The following ABCG2 variants were observed in gnomAD, a reference collection of about 807,000 sequenced individuals.
ABCG2 encodes the protein broad substrate specificity ATP-binding cassette transporter ABCG2.
Under a neutral mutation model 73.5 loss-of-function variants are expected in ABCG2, and 80 were observed. The observed-to-expected ratio is 1.09, with a 90% CI of 0.91 to 1.31. The LOEUF is 1.31. ABCG2 is among the 50% of genes most tolerant of loss of function. The probability of loss-of-function intolerance (pLI) is 0.00; values close to 1 mark genes in which losing one functional copy is unlikely to be tolerated. For missense variants in ABCG2, 796 were observed against 786.2 expected, an observed-to-expected ratio of 1.01 and a Z score of -0.15; for synonymous variants, 269 against 282.4, an observed-to-expected ratio of 0.95 and a Z score of 0.48.
chr4:88,161,111 C>T (rs537547308), upstream of ABCG2, among the ~76,000 whole-genome samples: 49 of 151,852 alleles, frequency 3.2e-4, no homozygotes, highest in Middle Eastern at 6.8e-3. Flanking sequence ...CCCAAGAATT[C>T]GAGACAAGCC....
At chr4:88,152,994 A>T (rs1253114741) in intron 1 of ABCG2, among the ~76,000 whole-genome samples, 1 of 152,174 alleles carries the variant, frequency 6.6e-6, no homozygotes, top group Non-Finnish European at 1.5e-5. Context: ...ACAATTTTGT[A>T]TGAATTGAAA....
chr4:88,221,168 C>T (rs944391180), intron 1 of ABCG2, among the ~76,000 whole-genome samples: 19 of 152,254 alleles, frequency 1.2e-4, no homozygotes, highest in African/African-American at 4.1e-4. Context: ...ACTAGGGAGG[C>T]TGAGGTACAA....
chr4:88,115,261 T>C lies in ABCG2; in HGVS notation c.842-203A>G, dbSNP rs1170573218. On this transcript the variant is annotated intron_variant, in intron 7 of 15. Transcript: ENST00000237612. ...CTCTCTCTCTCTCTCTCTCTCTATA[T>C]ATATATATATATATATATATATAAT... 1.3e-4 allele frequency among the ~76,000 whole-genome samples: 11 copies of C among 85,346 alleles called. 2 individuals carry two copies. Among genetic ancestry groups the C allele is most frequent in the Admixed American group, 5.6e-4 (4 of 7,194 alleles). 56.0% of individuals were successfully genotyped at this position (85,346 alleles called of 152,430 possible).
chr4:88,187,093 CAAAAAAAAAA>C (rs61116461), intron 1 of ABCG2, among the ~76,000 whole-genome samples: 39 of 45,206 alleles, frequency 8.6e-4, no homozygotes, highest in African/African-American at 3.7e-3. Flanking sequence ...GATTCTGTCT[CAAAAAAAAAA>C]AAAAAAAAAA....
Position 88,121,629 on chromosome 4 carries a change from A to G in ABCG2, c.689+6T>C. The G allele has an allele frequency of 6.2e-7, 1 of 1,613,112 alleles. No homozygotes were observed. The highest frequency in any genetic ancestry group is 8.5e-7 in the Non-Finnish European group (1 of 1,179,600). On this transcript the variant is annotated splice_donor_region_variant and intron_variant, in intron 6 of 15. Transcript: ENST00000237612. Reference sequence around the variant, plus strand: ...AACTAAAGAATAATGTTTCCAGAGCATTTACCTTTTCAGGAGCAAAAGGAC... The same window carrying G: ...AACTAAAGAATAATGTTTCCAGAGCGTTTACCTTTTCAGGAGCAAAAGGAC...
intron 1 of ABCG2, among the ~76,000 whole-genome samples, chr4:88,178,841 C>A (rs1424699367): frequency 6.6e-6 from 1 of 152,112 alleles, no homozygotes; most frequent in Non-Finnish European, 1.5e-5. Context: ...GTGCAAAGGA[C>A]TTTGTCTTAT....
chr4:88,159,535 G>A (rs888260568), upstream of ABCG2, among the ~76,000 whole-genome samples: 3 of 151,424 alleles, frequency 2.0e-5, no homozygotes, highest in African/African-American at 7.3e-5. Flanking sequence ...AAGTGATTGC[G>A]CATGTTCAGG....
chr4:88,193,738 TTTTTATTTTA>T (rs1181359770), intron 1 of ABCG2, among the ~76,000 whole-genome samples: 1 of 152,090 alleles, frequency 6.6e-6, no homozygotes, highest in Non-Finnish European at 1.5e-5. Flanking sequence ...AGGTTTGAAT[TTTTTATTTTA>T]TTTTATTTTA....
Position 88,192,902 on chromosome 4 carries a change from G to T in ABCG2, c.-20+38092C>A, listed in dbSNP as rs960139296. On this transcript the variant is annotated intron_variant, in intron 1 of 15. Transcript: ENST00000515655. ...AATTTTTTGTATTTTTAGTAAAGAC[G>T]GGGTTTTGCCATGTTGGCCAGGCTG... Among the ~76,000 whole-genome samples the T allele has an allele frequency of 2.7e-5, 4 of 148,676 alleles. No individual in the cohort carries two copies. In the East Asian group the frequency reaches 6.0e-4, roughly 22 times the overall value.
intron 1 of ABCG2, among the ~76,000 whole-genome samples, chr4:88,198,067 A>G (rs914810150): frequency 6.7e-5 from 10 of 149,604 alleles, no homozygotes; most frequent in Admixed American, 2.7e-4. Context: ...CCAGCTGGGC[A>G]TGGTGGCTCA....
At chr4:88,200,129 A>G (rs892205353) in intron 1 of ABCG2, among the ~76,000 whole-genome samples, 11 of 152,268 alleles carry the variant, frequency 7.2e-5, no homozygotes, top group African/African-American at 2.6e-4. Context: ...ATTCAAAACC[A>G]GCCTGGGCAA....
rs1476281251 is a variant in ABCG2, at chr4:88,131,917, CCTATAAGAGGACATATAT to C, written c.264-18_264-1del. The C allele has an allele frequency of 6.2e-7, 1 of 1,608,160 alleles. No individual in the cohort carries two copies. The highest frequency in any genetic ancestry group is 2.2e-5 in the East Asian group (1 of 44,838). On this transcript the variant is annotated splice_acceptor_variant and splice_polypyrimidine_tract_variant and intron_variant, in intron 3 of 15. Coordinates refer to ENST00000237612, the MANE Select transcript of ABCG2 (RefSeq NM_004827.3). LOFTEE classifies it high-confidence loss of function. ...TCCTTGCAGCTAAGACATCTAATAA[CCTATAAGAGGACATATAT>C]GTTGTGGGTCTAATAACCTATAAGA... is the stretch of plus-strand genomic sequence containing the variant.
rs34678167 is a variant in ABCG2, at chr4:88,118,145, G to A, written c.805C>T (p.Pro269Ser). 82 of 1,614,082 alleles carry A rather than the reference G, an allele frequency of 5.1e-5. No individual in the cohort carries two copies. In the East Asian group the frequency reaches 1.6e-3, roughly 32 times the overall value. ...LASGRLMFHGPAQEALGYFES... is the reference protein window; with the variant it reads ...LASGRLMFHGSAQEALGYFES... ...AAGTATCCCAAGGCCTCCTGAGCAG[G>A]CCCGTGGAACATAAGTCTTCCTGAG... The change falls in exon 7 of 16, where the codon CCT becomes TCT. Residue 269 changes from proline to serine, a missense_variant. Coordinates refer to ENST00000237612, the MANE Select transcript of ABCG2 (RefSeq NM_004827.3).
At chr4:88,214,952 C>A (rs1429975496) in intron 1 of ABCG2, among the ~76,000 whole-genome samples, 1 of 149,732 alleles carries the variant, frequency 6.7e-6, no homozygotes, top group Non-Finnish European at 1.5e-5. Flanking sequence ...ATTAGCCATG[C>A]AACATGGTGC....
At chr4:88,194,218 A>C (rs1728833418) in intron 1 of ABCG2, among the ~76,000 whole-genome samples, 1 of 152,114 alleles carries the variant, frequency 6.6e-6, no homozygotes, top group African/African-American at 2.4e-5. Flanking sequence ...AATGACTTTG[A>C]GAATGGAAGT....
At chr4:88,181,740 A>G (rs773640434) in intron 1 of ABCG2, among the ~76,000 whole-genome samples, 1 of 152,190 alleles carries the variant, frequency 6.6e-6, no homozygotes, top group Non-Finnish European at 1.5e-5. Flanking sequence ...CAAAATGTAT[A>G]TATTATTTGC....
chr4:88,177,803 G>A (rs1394657961), intron 1 of ABCG2, among the ~76,000 whole-genome samples: 1 of 152,124 alleles, frequency 6.6e-6, no homozygotes, highest in African/African-American at 2.4e-5. Context: ...CTTCGCATTG[G>A]AACTCAGTGC....
At chr4:88,106,865 G>A (rs1176005845) in intron 10 of ABCG2, among the ~76,000 whole-genome samples, 6 of 152,034 alleles carry the variant, frequency 3.9e-5, no homozygotes, top group African/African-American at 7.2e-5. Context: ...AACATGGTGC[G>A]ACCCCGTCTC....
chr4:88,095,555 G>A lies in ABCG2; in HGVS notation c.1702C>T (p.Leu568Phe), dbSNP rs1429313861. 3.7e-6 allele frequency: 6 copies of A among 1,613,670 alleles called. No individual in the cohort carries two copies. Among genetic ancestry groups the A allele is most frequent in the Admixed American group, 1.7e-5 (1 of 60,000 alleles). The part of the protein sequence containing the change: ...LTTIASWLSW[L>F]QYFSIPRYGF... ...TATCGTGGAATGCTGAAGTACTGAA[G>A]CCATGACAGCCAAGATGCAATGGTT... The change falls in exon 14 of 16, where the codon CTT becomes TTT. Residue 568 changes from leucine to phenylalanine, a missense_variant. Physicochemically the swap from Leu to Phe is conservative, Grantham distance 22 (BLOSUM62 0). Transcript: ENST00000237612.
Sources: gnomAD v4.1 joint callset for allele counts (sites outside exome capture counted in the v4.1 genomes callset) on GRCh38, gnomAD v4.1.1 for gene constraint, MANE v1.5 for transcripts, NCBI Gene and HGNC (gene_info 2026-07-23, HGNC 2026-07-21) for gene names.